The following HECA variants were observed in gnomAD, a reference collection of about 807,000 sequenced individuals.
HECA encodes the protein HECA ribonucleoprotein granule regulator.
In HECA, 13 loss-of-function variants were observed where a neutral mutation model predicts 37.6. That is an observed-to-expected ratio of 0.35 (90% CI 0.23 to 0.55). The LOEUF is 0.55. HECA is among the 20% of genes least tolerant of loss of function. HECA has a pLI of 0.90. For missense variants in HECA, 527 were observed against 701.9 expected, an observed-to-expected ratio of 0.75 and a Z score of 2.82; for synonymous variants, 307 against 291.5, an observed-to-expected ratio of 1.05 and a Z score of -0.54.
At chr6:139,151,022 T>G (rs976681971) in intron 1 of HECA, 2 of 152,214 alleles carry the variant, frequency 1.3e-5, no homozygotes, top group Non-Finnish European at 2.9e-5. Flanking sequence ...TGGATAAGAC[T>G]TAGACATGCC....
At chr6:139,169,823 C>T (rs1248093286) in intron 2 of HECA, 1 of 152,200 alleles carries the variant, frequency 6.6e-6, no homozygotes, top group South Asian at 2.1e-4. Flanking sequence ...ACTCCTGTCA[C>T]ATTTTGTTCA....
At chr6:139,173,691 A>G (rs1176106860) in intron 2 of HECA, among the ~76,000 whole-genome samples, 1 of 152,234 alleles carries the variant, frequency 6.6e-6, no homozygotes, top group Non-Finnish European at 1.5e-5. Flanking sequence ...TGATGCTTCC[A>G]TATACACTAG....
chr6:139,150,463 G>A (rs1774636735), intron 1 of HECA, among the ~76,000 whole-genome samples: 1 of 118,930 alleles, frequency 8.4e-6, no homozygotes, highest in Non-Finnish European at 1.8e-5. Context: ...CTTTGGGGGT[G>A]AGAGTGGGGC....
intron 1 of HECA, among the ~76,000 whole-genome samples, chr6:139,153,449 T>C (rs1774676209): frequency 6.7e-6 from 1 of 149,944 alleles, no homozygotes; most frequent in African/African-American, 2.5e-5. Flanking sequence ...TGAGAGGGAG[T>C]TTTGCTCTCG....
Position 139,166,905 on chromosome 6 carries a change from TAAAG to T in HECA, c.896_899del (p.Lys299ThrfsTer62), listed in dbSNP as rs1250556229. On this transcript the variant is annotated frameshift_variant, in exon 2 of 4. Coordinates refer to ENST00000367658, the MANE Select transcript of HECA (RefSeq NM_016217.3). LOFTEE classifies it high-confidence loss of function. Reference sequence around the variant, plus strand: ...TCCTCCAGATACCTCGGGGAGTTCTTAAAGAACGCCATCCATCTGGAGCCTCACA... The same window carrying T: ...TCCTCCAGATACCTCGGGGAGTTCTTAACGCCATCCATCTGGAGCCTCACA... 2.5e-6 allele frequency: 4 copies of T among 1,614,022 alleles called. No individual in the cohort carries two copies. The highest frequency in any genetic ancestry group is 1.1e-5 in the South Asian group (1 of 91,080).
In HECA at chr6:139,176,844, A is replaced by AAGG. The variant is rs1274933251; in HGVS notation, c.1468-97_1468-96insAGG. On this transcript the variant is annotated intron_variant, in intron 3 of 3. Transcript: ENST00000367658. The surrounding 1 kb of genome is among the most constrained non-coding windows in gnomAD (Gnocchi z 4.5). ...TGGTAGTAAAAGGGATGCTTTGCAA[A>AAGG]GCCCTTGATCAGTTTCCCAGCATTT... 1.4e-6 allele frequency: 1 copy of AAGG among 718,954 alleles called. No homozygotes were observed. Among genetic ancestry groups the AAGG allele is most frequent in the African/African-American group, 1.7e-5 (1 of 57,514 alleles). 44.5% of individuals were successfully genotyped at this position (718,954 alleles called of 1,614,324 possible).
intron 1 of HECA, among the ~76,000 whole-genome samples, chr6:139,143,900 G>A (rs1249794485): frequency 1.3e-5 from 2 of 151,738 alleles, no homozygotes; most frequent in Non-Finnish European, 2.9e-5. Flanking sequence ...ATGCAAGTAA[G>A]TTATTCCATG....
chr6:139,153,410 TA>T (rs1190372855), intron 1 of HECA, among the ~76,000 whole-genome samples: 3 of 152,060 alleles, frequency 2.0e-5, no homozygotes, highest in African/African-American at 7.2e-5. Flanking sequence ...ATCATCCATT[TA>T]AAAAATAATG....
intron 1 of HECA, among the ~76,000 whole-genome samples, chr6:139,156,151 G>GTAT (rs3070335): frequency 0.67 from 101,360 of 151,504 alleles, 34,894 homozygotes; most frequent in African/African-American, 0.79. Flanking sequence ...GGTGACGTTT[G>GTAT]TATTATTATT....
In HECA at chr6:139,167,227, C is replaced by G. The variant is rs774887565; in HGVS notation, c.1215C>G (p.Leu405=). The G allele has an allele frequency of 1.9e-6, 3 of 1,614,018 alleles. No individual in the cohort carries two copies. The African/African-American group carries it at 4.0e-5, about 22-fold the overall frequency. The change falls in exon 2 of 4, where the codon CTC becomes CTG. Residue 405 remains leucine (L), a synonymous_variant. Coordinates refer to ENST00000367658, the MANE Select transcript of HECA (RefSeq NM_016217.3). ...ACTGTGCCCTGTGCCACCGGGCGCT[C>G]CCGGTGTTCGAACAGTTCCCACTGG... ...VVNCALCHRA[L]PVFEQFPLVD...
chr6:139,179,311 A>T lies in HECA; in HGVS notation c.*2206A>T, dbSNP rs1303385975. The T allele has an allele frequency of 6.6e-6, 1 of 152,222 alleles. No individual in the cohort carries two copies. Among genetic ancestry groups the T allele is most frequent in the Non-Finnish European group, 1.5e-5 (1 of 68,026 alleles). The allele number at this position is 152,222 out of a possible 1,614,324, so 9.4% of individuals were successfully genotyped here. On this transcript the variant is annotated 3_prime_UTR_variant, in exon 4 of 4. Transcript: ENST00000367658. ...ATCTTTAACCCACCTAAAATTTTAT[A>T]GTGAAACCTGCTTTATATTGTTGTT...
intron 1 of HECA, among the ~76,000 whole-genome samples, chr6:139,148,237 C>T (rs1420000085): frequency 2.6e-5 from 4 of 152,132 alleles, no homozygotes; most frequent in Non-Finnish European, 5.9e-5. Flanking sequence ...TTATGGTTGT[C>T]TTTGCTGGTT....
At chr6:139,157,465 C>T (rs927600686) in intron 1 of HECA, among the ~76,000 whole-genome samples, 5 of 152,198 alleles carry the variant, frequency 3.3e-5, no homozygotes, top group Non-Finnish European at 7.3e-5. Context: ...ATTTGTCTGA[C>T]ACTGAGAAGA....
chr6:139,155,818 A>T (rs907912863), intron 1 of HECA: 1 of 152,202 alleles, frequency 6.6e-6, no homozygotes, highest in African/African-American at 2.4e-5. Flanking sequence ...TGATCCCATT[A>T]TATGCAAATT....
At chr6:139,138,516 G>A (rs1774477291) in intron 1 of HECA, among the ~76,000 whole-genome samples, 1 of 152,214 alleles carries the variant, frequency 6.6e-6, no homozygotes, top group African/African-American at 2.4e-5. Context: ...ATTTGTAGTT[G>A]TTTGGAGTTT....
intron 1 of HECA, among the ~76,000 whole-genome samples, chr6:139,163,467 C>A (rs1257148000): frequency 2.0e-5 from 3 of 152,066 alleles, no homozygotes; most frequent in Non-Finnish European, 4.4e-5. Context: ...GATACTCCCA[C>A]CTCAGCCTCC....
chr6:139,136,267 T>TAA (rs71674341), intron 1 of HECA, among the ~76,000 whole-genome samples: 89 of 132,032 alleles, frequency 6.7e-4, no homozygotes, highest in East Asian at 6.3e-3. Context: ...AGCCCGGAGT[T>TAA]AAAAAAAAAA....
In HECA at chr6:139,157,407, TAG is replaced by T. The variant is rs1307769594; in HGVS notation, c.272-8874_272-8873del. On this transcript the variant is annotated intron_variant, in intron 1 of 3. Transcript: ENST00000367658. ...CATTTTACCCAGCTCCTATTTAAGA[TAG>T]AGTTGCTCTGGTTCACACGCCTCTT... Among the ~76,000 whole-genome samples, 16 of 152,354 alleles carry T rather than the reference TAG, an allele frequency of 1.1e-4. No individual in the cohort carries two copies. In the East Asian group the frequency reaches 3.1e-3, roughly 29 times the overall value.
rs775294086 is a variant in HECA, at chr6:139,166,418, G to A, written c.406G>A (p.Glu136Lys). Residue 136 changes from glutamate to lysine, a missense_variant, in exon 2 of 4, where the codon GAG becomes AAG. By Grantham distance (56) the Glu-to-Lys change is moderately conservative. This residue lies in a region of HECA where 172 missense variants were observed against 197.6 expected (regional missense o/e 0.87). Coordinates refer to ENST00000367658, the MANE Select transcript of HECA (RefSeq NM_016217.3). ...CTGGATGCACCTGCAGTGCTTCTAC[G>A]AGTGGGAGAGCAGCATCCTCGTCCA... ...STWMHLQCFYEWESSILVQFN... is the reference protein window; with the variant it reads ...STWMHLQCFYKWESSILVQFN... 2 of 1,614,224 alleles carry A rather than the reference G, an allele frequency of 1.2e-6. No individual in the cohort carries two copies. Among genetic ancestry groups the A allele is most frequent in the Non-Finnish European group, 8.5e-7 (1 of 1,180,044 alleles).
Sources: allele counts gnomAD v4.1 joint callset (sites outside exome capture counted in the v4.1 genomes callset), GRCh38; gene constraint gnomAD v4.1.1; regional missense constraint gnomAD v4.1.1; non-coding constraint Gnocchi (gnomAD v3.1); transcripts MANE v1.5; gene names NCBI Gene and HGNC (gene_info 2026-07-23, HGNC 2026-07-21).